CELF2: variants seen among roughly 807,000 people sequenced by gnomAD.
CELF2 encodes the protein CUG triplet repeat RNA-binding protein 2.
A neutral mutation model predicts 62.6 loss-of-function variants in CELF2; 8 were observed. The ratio of observed to expected loss-of-function variants is 0.13; its 90% CI spans 0.07 to 0.23. The LOEUF is 0.23. CELF2 is among the 10% of genes least tolerant of loss of function. CELF2 has a pLI of 1.00. For missense variants in CELF2, 333 were observed against 671.0 expected (o/e 0.50, Z 5.56); for synonymous variants, 258 against 250.0 (o/e 1.03, Z -0.30).
chr10:11,185,491 C>T (rs555468724), intron 2 of CELF2, among the ~76,000 whole-genome samples: 3 of 152,268 alleles, frequency 2.0e-5, no homozygotes, highest in South Asian at 2.1e-4. Context: ...CTCGGCTCCC[C>T]GCAACCTCCG....
intron 3 of CELF2, among the ~76,000 whole-genome samples, chr10:11,238,114 G>A (rs1003761391): frequency 6.6e-6 from 1 of 152,180 alleles, no homozygotes; most frequent in Admixed American, 6.5e-5. Flanking sequence ...GTATTGGAGC[G>A]CCCATCATTG....
At chr10:10,698,642 A>C in the CELF2 span, among the ~76,000 whole-genome samples, 7 of 152,186 alleles carry the variant, frequency 4.6e-5, no homozygotes, top group Admixed American at 2.0e-4. Flanking sequence ...TTTGGTCTCA[A>C]CTACTTCCCA....
intron 1 of CELF2, among the ~76,000 whole-genome samples, chr10:11,103,821 G>T (rs1261323890): frequency 6.6e-6 from 1 of 152,132 alleles, no homozygotes; most frequent in Non-Finnish European, 1.5e-5. Flanking sequence ...TAGTTAGGTA[G>T]CCCAAAAGAT....
chr10:11,177,292 C>T lies in CELF2; in HGVS notation c.271+11610C>T, dbSNP rs751320274. Among the ~76,000 whole-genome samples, 5 of 151,902 alleles carry T rather than the reference C, an allele frequency of 3.3e-5. No individual in the cohort carries two copies. The highest frequency in any genetic ancestry group is 5.9e-5 in the Non-Finnish European group (4 of 68,004). On this transcript the variant is annotated intron_variant, in intron 2 of 12. Transcript: ENST00000633077. This position sits in a 1 kb window ranked among gnomAD's most constrained non-coding sequence, Gnocchi z 4.8. ...GTTCCTTCTCATGTAGTTAATGCAG[C>T]ATGATGAAAGAAATAAAAGTCTCCT... is the stretch of plus-strand genomic sequence containing the variant.
At chr10:11,278,993 G>T (rs984990642) in intron 8 of CELF2, among the ~76,000 whole-genome samples, 1 of 152,164 alleles carries the variant, frequency 6.6e-6, no homozygotes, top group Non-Finnish European at 1.5e-5. Context: ...GCCCCTTGAG[G>T]TGTGTTTCAC....
chr10:10,584,616 C>T, the CELF2 span, among the ~76,000 whole-genome samples: 1,750 of 152,304 alleles, frequency 0.011, 68 homozygotes, highest in East Asian at 0.1. Flanking sequence ...CCCTGTTTCT[C>T]CAAGTTTAAT....
At chr10:11,179,987 T>C (rs2072752324) in intron 2 of CELF2, among the ~76,000 whole-genome samples, 1 of 152,190 alleles carries the variant, frequency 6.6e-6, no homozygotes, top group African/African-American at 2.4e-5. Context: ...CCTAGTCTTC[T>C]CTGTCAGCAG....
In CELF2 at chr10:11,300,765, G is replaced by T. The variant is rs1405342402; in HGVS notation, c.976+12213G>T. Among the ~76,000 whole-genome samples the T allele has an allele frequency of 4.6e-5, 7 of 152,298 alleles. No homozygotes were observed. ...GAATTCCGCATCCAAGCTCGTTTGAGGCAAAACGGCGACCGCGGGCTCCAG... is the reference window on the plus strand; with the variant it reads ...GAATTCCGCATCCAAGCTCGTTTGATGCAAAACGGCGACCGCGGGCTCCAG... On this transcript the variant is annotated intron_variant, in intron 9 of 12. Transcript: ENST00000633077. This position sits in a 1 kb window ranked among gnomAD's most constrained non-coding sequence, Gnocchi z 5.5.
the CELF2 span, among the ~76,000 whole-genome samples, chr10:10,510,688 G>T: frequency 6.6e-6 from 1 of 152,166 alleles, no homozygotes. Context: ...GTGAAAACCA[G>T]CACATAGATA....
rs536104827 is a variant in CELF2 at position 11,196,223 on chromosome 10, G to A, written c.272-21202G>A. On this transcript the variant is annotated intron_variant, in intron 2 of 12. Coordinates refer to ENST00000633077, the MANE Select transcript of CELF2 (RefSeq NM_001326342.2). ...TGGGAAGCACGTGAGCAGCGTCAGC[G>A]TCTTTCTCGAGGAAGAAAATGAAGA... Among the ~76,000 whole-genome samples, 117 of 152,366 alleles carry A rather than the reference G, an allele frequency of 7.7e-4. 1 individual carries two copies. In the South Asian group the frequency reaches 8.9e-3, roughly 12 times the overall value.
At chr10:11,218,796 C>G (rs2064009264) in intron 3 of CELF2, among the ~76,000 whole-genome samples, 1 of 152,104 alleles carries the variant, frequency 6.6e-6, no homozygotes. Context: ...CACTCAGTGA[C>G]TTTAAAAAAA....
rs1204973994 is a variant in CELF2, at chr10:11,290,916, G to GT, written c.976+2367dup. On this transcript the variant is annotated intron_variant, in intron 9 of 12. Transcript: ENST00000633077. The surrounding 1 kb of genome is among the most constrained non-coding windows in gnomAD (Gnocchi z 4.3). ...CTTAAGTGTAACTAAAAAATCTGAT[G>GT]TTTAAGTGAAAGTAAATTATTTGTC... 2.0e-5 allele frequency among the ~76,000 whole-genome samples: 3 copies of GT among 152,178 alleles called. No homozygotes were observed. The highest frequency in any genetic ancestry group is 4.4e-5 in the Non-Finnish European group (3 of 68,046).
chr10:10,595,680 C>T, the CELF2 span, among the ~76,000 whole-genome samples: 36,876 of 152,022 alleles, frequency 0.24, 4,990 homozygotes, highest in South Asian at 0.51. Flanking sequence ...TAAACTGACC[C>T]TTAATCTGTT....
the CELF2 span, among the ~76,000 whole-genome samples, chr10:10,608,150 A>G: frequency 1.3e-5 from 2 of 152,014 alleles, no homozygotes; most frequent in Non-Finnish European, 1.5e-5. Flanking sequence ...ACAAACAAAC[A>G]AACAAACAAA....
chr10:10,810,560 A>G (rs1564652436), intron 1 of CELF2, among the ~76,000 whole-genome samples: 1 of 152,100 alleles, frequency 6.6e-6, no homozygotes, highest in Admixed American at 6.6e-5. Context: ...TGGGAAGGGA[A>G]GGGTCCAGCA....
intron 1 of CELF2, among the ~76,000 whole-genome samples, chr10:11,007,783 G>A (rs1207532362): frequency 3.9e-5 from 6 of 152,160 alleles, no homozygotes; most frequent in African/African-American, 1.2e-4. Flanking sequence ...GAGGAAAGTA[G>A]CCTTCTGTGC....
chr10:10,793,781 A>G (rs2053985243), upstream of CELF2, among the ~76,000 whole-genome samples: 2 of 152,196 alleles, frequency 1.3e-5, no homozygotes, highest in Admixed American at 1.3e-4. Flanking sequence ...TGAAGAACAA[A>G]TAAATTTATT....
the CELF2 span, among the ~76,000 whole-genome samples, chr10:10,473,987 CT>C: frequency 2.2e-4 from 33 of 152,068 alleles, no homozygotes; most frequent in Admixed American, 2.2e-3. Context: ...CAAACTACTA[CT>C]TGTGTCCTCT....
At position 11,318,880 on chromosome 10, in the gene CELF2, C is replaced by G; in HGVS notation, c.1097-2309C>G. 2.1e-6 allele frequency: 1 copy of G among 471,148 alleles called. No homozygotes were observed. The highest frequency in any genetic ancestry group is 4.4e-6 in the Non-Finnish European group (1 of 227,050). 29.2% of individuals were successfully genotyped at this position (471,148 alleles called of 1,614,324 possible). ...GGAGGCTGCACATCGCAGGAAGGATCCCCCGTGGGTCTCACATGACAGGGC... is the reference window on the plus strand; with the variant it reads ...GGAGGCTGCACATCGCAGGAAGGATGCCCCGTGGGTCTCACATGACAGGGC... On this transcript the variant is annotated intron_variant, in intron 10 of 12. Transcript: ENST00000633077. This position sits in a 1 kb window ranked among gnomAD's most constrained non-coding sequence, Gnocchi z 5.4.
Sources: gnomAD v4.1 joint callset for allele counts (sites outside exome capture counted in the v4.1 genomes callset) on GRCh38, gnomAD v4.1.1 for gene constraint, Gnocchi (gnomAD v3.1) non-coding constraint, MANE v1.5 for transcripts, NCBI Gene and HGNC (gene_info 2026-07-23, HGNC 2026-07-21) for gene names.